SASH1: variants seen among roughly 807,000 people sequenced by gnomAD.
SASH1 encodes the protein SAM and SH3 domain containing 1, also known as SAM and SH3 domain-containing protein 1.
A neutral mutation model predicts 125.2 loss-of-function variants in SASH1; 44 were observed. The ratio of observed to expected loss-of-function variants is 0.35; its 90% CI spans 0.28 to 0.45. The LOEUF is 0.45. Ranked by LOEUF, SASH1 falls within the 20% of genes least tolerant of loss-of-function variation. The pLI is 1.00. For synonymous variants in SASH1, 639 were observed against 649.1 expected, an observed-to-expected ratio of 0.98 and a Z score of 0.24; for missense variants, 1,426 against 1,614.5, an observed-to-expected ratio of 0.88 and a Z score of 2.00.
At chr6:148,314,732 A>G (rs1469303965) in intron 1 of SASH1, among the ~76,000 whole-genome samples, 1 of 151,436 alleles carries the variant, frequency 6.6e-6, no homozygotes, top group Non-Finnish European at 1.5e-5. Context: ...TTGCTCCCCT[A>G]AGTTTCAAGT....
Position 148,337,223 on chromosome 6 carries a change from A to AT in SASH1, n.75-52893dup, listed in dbSNP as rs10659889. On this transcript the variant is annotated intron_variant and non_coding_transcript_variant, in intron 1 of 3. Coordinates refer to the SASH1 transcript ENST00000367469. Reference sequence around the variant, plus strand: ...AGGTGCCCACCACTACATCCAGCTAATTTTTTTTTTTTTTTTTTGAGATGG... The same window carrying AT: ...AGGTGCCCACCACTACATCCAGCTAATTTTTTTTTTTTTTTTTTTGAGATGG... 3.7e-3 allele frequency among the ~76,000 whole-genome samples: 458 copies of AT among 124,566 alleles called. 3 individuals are homozygous for AT. The highest frequency in any genetic ancestry group is 4.2e-3 in the Non-Finnish European group (252 of 60,472). The allele number at this position is 124,566 out of a possible 152,430, so 81.7% of individuals were successfully genotyped here.
At chr6:148,330,504 T>G (rs1376323432) in intron 1 of SASH1, among the ~76,000 whole-genome samples, 3 of 152,244 alleles carry the variant, frequency 2.0e-5, no homozygotes, top group Non-Finnish European at 4.4e-5. Flanking sequence ...ACTTCCCAGC[T>G]GCACTTTTAA....
intron 1 of SASH1, among the ~76,000 whole-genome samples, chr6:148,289,275 A>G (rs1211196941): frequency 2.0e-5 from 3 of 149,988 alleles, no homozygotes; most frequent in African/African-American, 7.6e-5. Flanking sequence ...AGGCAAGAAA[A>G]GAGAAGGGAG....
intron 4 of SASH1, among the ~76,000 whole-genome samples, chr6:148,447,262 T>C (rs147028000): frequency 4.9e-4 from 74 of 152,276 alleles, no homozygotes; most frequent in Non-Finnish European, 8.2e-4. Context: ...TCCAAAAATA[T>C]ATAGCACGAT....
chr6:148,327,973 AAAG>A lies in SASH1; in HGVS notation n.74+55599_74+55601del, dbSNP rs1298628738. 3.3e-5 allele frequency among the ~76,000 whole-genome samples: 5 copies of A among 152,012 alleles called. No homozygotes were observed. In the East Asian group the frequency reaches 7.8e-4, roughly 24 times the overall value. ...AAAAAAAAAGAAAAAGAAAAAGAAA[AAAG>A]AACACAAAAAGTAAACTGAGTGGCA... is the stretch of plus-strand genomic sequence containing the variant. On this transcript the variant is annotated intron_variant and non_coding_transcript_variant, in intron 1 of 3. Coordinates refer to the SASH1 transcript ENST00000367469.
At chr6:148,382,671 G>T (rs1783190435) in intron 1 of SASH1, among the ~76,000 whole-genome samples, 1 of 152,116 alleles carries the variant, frequency 6.6e-6, no homozygotes, top group Non-Finnish European at 1.5e-5. Context: ...TGAGGAGGAG[G>T]GTTTGTCAAT....
intron 8 of SASH1, chr6:148,513,640 C>T (rs920264660): frequency 7.1e-6 from 7 of 985,630 alleles, no homozygotes; most frequent in Non-Finnish European, 8.4e-6. Flanking sequence ...CAATGGGCTG[C>T]TGGGGAATAT....
intron 10 of SASH1, among the ~76,000 whole-genome samples, chr6:148,522,371 T>C (rs947099410): frequency 2.0e-5 from 3 of 152,370 alleles, no homozygotes; most frequent in Admixed American, 6.5e-5. Flanking sequence ...ATTAATCTTA[T>C]TTCTTTGCTA....
intron 4 of SASH1, among the ~76,000 whole-genome samples, chr6:148,449,979 G>A (rs142338136): frequency 1.4e-3 from 208 of 152,230 alleles, no homozygotes; most frequent in African/African-American, 4.6e-3. Context: ...CAAACCATTC[G>A]TGAGGGATCT....
At chr6:148,407,726 G>A (rs1314542438) in intron 2 of SASH1, among the ~76,000 whole-genome samples, 1 of 152,112 alleles carries the variant, frequency 6.6e-6, no homozygotes, top group Non-Finnish European at 1.5e-5. Context: ...TCTGCCGCCC[G>A]AGTTGAAGCA....
intron 10 of SASH1, among the ~76,000 whole-genome samples, chr6:148,524,171 A>G (rs1780995469): frequency 7.2e-6 from 1 of 138,802 alleles, no homozygotes; most frequent in Admixed American, 7.1e-5. Flanking sequence ...TTGGTGCAAA[A>G]GTAATCGCAG....
At chr6:148,371,988 A>C (rs1193834666) in intron 1 of SASH1, among the ~76,000 whole-genome samples, 1 of 152,168 alleles carries the variant, frequency 6.6e-6, no homozygotes, top group African/African-American at 2.4e-5. Flanking sequence ...CTCAATGTAG[A>C]TCATTTATGA....
intron 1 of SASH1, chr6:148,380,020 G>A (rs1455736899): frequency 4.4e-6 from 2 of 453,914 alleles, no homozygotes; most frequent in African/African-American, 2.0e-5. Flanking sequence ...TTACCTGTCA[G>A]TTCTTAAAAA....
intron 2 of SASH1, among the ~76,000 whole-genome samples, chr6:148,436,099 A>C (rs1005208922): frequency 3.3e-5 from 5 of 152,166 alleles, no homozygotes; most frequent in Admixed American, 3.3e-4. Context: ...GGCCACAGCG[A>C]TGTCTGCCAT....
intron 4 of SASH1, 84 bp downstream of exon 4, chr6:148,440,491 A>G (rs1171003281): frequency 1.8e-6 from 2 of 1,107,268 alleles, no homozygotes; most frequent in Non-Finnish European, 2.8e-6. Flanking sequence ...ACAGGCGATC[A>G]TGTGCGTATG....
chr6:148,452,863 G>A (rs1331049062), intron 4 of SASH1, among the ~76,000 whole-genome samples: 2 of 152,222 alleles, frequency 1.3e-5, no homozygotes, highest in African/African-American at 4.8e-5. Flanking sequence ...CGTTTCTTTT[G>A]TGATGCCTGC....
intron 17 of SASH1, among the ~76,000 whole-genome samples, chr6:148,540,877 G>C (rs868490524): frequency 6.6e-6 from 1 of 152,158 alleles, no homozygotes; most frequent in African/African-American, 2.4e-5. Context: ...TTACCAGGTA[G>C]ACCATCCATC....
At chr6:148,212,434 A>G in the SASH1 span, among the ~76,000 whole-genome samples, 1 of 152,176 alleles carries the variant, frequency 6.6e-6, no homozygotes, top group African/African-American at 2.4e-5. Context: ...ATTGTTGACA[A>G]AAGACATCTT....
chr6:148,238,303 A>G, the SASH1 span, among the ~76,000 whole-genome samples: 2 of 151,976 alleles, frequency 1.3e-5, no homozygotes, highest in Non-Finnish European at 2.9e-5. Context: ...GGCCCACCAC[A>G]ACCTCCGCCT....
Sources: allele counts gnomAD v4.1 joint callset (sites outside exome capture counted in the v4.1 genomes callset), GRCh38; gene constraint gnomAD v4.1.1; transcripts MANE v1.5; gene names NCBI Gene and HGNC (gene_info 2026-07-23, HGNC 2026-07-21).